Variants in TCF12 observed in about 807,000 individuals in gnomAD.
TCF12 encodes transcription factor 12.
A neutral mutation model predicts 86.0 loss-of-function variants in TCF12; 45 were observed. The ratio of observed to expected loss-of-function variants is 0.52; its 90% CI spans 0.41 to 0.67. The LOEUF (loss-of-function observed/expected upper bound fraction) is 0.67. TCF12 is among the 30% of genes least tolerant of loss of function. The pLI is 0.00. For missense variants in TCF12, 881 were observed against 859.9 expected, an observed-to-expected ratio of 1.02 and a Z score of -0.31; for synonymous variants, 330 against 299.6, an observed-to-expected ratio of 1.10 and a Z score of -1.05.
At chr15:57,062,343 C>G (rs1235927913) in intron 3 of TCF12, among the ~76,000 whole-genome samples, 2 of 152,056 alleles carry the variant, frequency 1.3e-5, no homozygotes, top group African/African-American at 2.4e-5. Context: ...CAGGAATGAA[C>G]AAAACACTGT....
intron 5 of TCF12, among the ~76,000 whole-genome samples, chr15:57,162,438 A>G (rs1309736955): frequency 6.6e-6 from 1 of 152,186 alleles, no homozygotes; most frequent in Admixed American, 6.5e-5. Flanking sequence ...TTTCAAGGAT[A>G]CTCAAACTTA....
chr15:57,235,367 A>G (rs1317381125), intron 12 of TCF12, among the ~76,000 whole-genome samples: 1 of 152,166 alleles, frequency 6.6e-6, no homozygotes, highest in African/African-American at 2.4e-5. Context: ...AAGTAACTTG[A>G]GCTCAGAAAG....
intron 7 of TCF12, 86 bp downstream of exon 7, chr15:57,192,379 T>C: frequency 1.3e-6 from 2 of 1,518,802 alleles, no homozygotes; most frequent in Non-Finnish European, 1.8e-6. Context: ...CTATGCTTTT[T>C]TTTTTTTTTC....
intron 19 of TCF12, chr15:57,282,144 C>T: frequency 2.5e-6 from 1 of 392,198 alleles, no homozygotes; most frequent in Non-Finnish European, 4.7e-6. Context: ...ACTTGGTAGC[C>T]TAATAACAAC....
At chr15:57,199,892 G>A (rs1312925302) in intron 8 of TCF12, among the ~76,000 whole-genome samples, 1 of 151,720 alleles carries the variant, frequency 6.6e-6, no homozygotes, top group African/African-American at 2.4e-5. Context: ...TTTTATTTTG[G>A]TTTTTTTGAG....
chr15:56,920,968 T>A, intron 2 of TCF12, 58 bp from the exon 3 acceptor site: 1 of 1,407,614 alleles, frequency 7.1e-7, no homozygotes, highest in Non-Finnish European at 9.6e-7. Context: ...TGGACTTTTG[T>A]TTGCAAGGAA....
chr15:56,986,869 A>T (rs1005862935), intron 3 of TCF12, among the ~76,000 whole-genome samples: 3 of 152,248 alleles, frequency 2.0e-5, no homozygotes, highest in Admixed American at 2.0e-4. Context: ...TGTAATACAT[A>T]GCAGGATGTA....
intron 3 of TCF12, among the ~76,000 whole-genome samples, chr15:56,991,629 A>T (rs1258080553): frequency 6.6e-6 from 1 of 152,180 alleles, no homozygotes; most frequent in Non-Finnish European, 1.5e-5. Flanking sequence ...TTGAATGAAG[A>T]TGGTCTAAAG....
chr15:57,048,314 T>A (rs2067371012), intron 3 of TCF12, among the ~76,000 whole-genome samples: 1 of 152,228 alleles, frequency 6.6e-6, no homozygotes, highest in South Asian at 2.1e-4. Flanking sequence ...CAGGCTGTAG[T>A]GCAGTGGCGC....
intron 5 of TCF12, among the ~76,000 whole-genome samples, chr15:57,136,425 C>A (rs2052524620): frequency 1.3e-5 from 2 of 152,062 alleles, no homozygotes; most frequent in Admixed American, 6.5e-5. Flanking sequence ...CCTGTCATAA[C>A]CATGGATTAA....
At chr15:56,997,906 T>C (rs1247944899) in intron 3 of TCF12, among the ~76,000 whole-genome samples, 1 of 152,174 alleles carries the variant, frequency 6.6e-6, no homozygotes, top group Admixed American at 6.5e-5. Flanking sequence ...AAGAAAACCC[T>C]AGTGGCTATA....
chr15:56,969,073 G>A (rs563746133), intron 3 of TCF12, among the ~76,000 whole-genome samples: 8 of 152,312 alleles, frequency 5.3e-5, no homozygotes, highest in African/African-American at 1.7e-4. Context: ...TCAGAGGGAT[G>A]ACTGTGTTCT....
At chr15:57,253,014 C>T (rs1432765359) in intron 15 of TCF12, among the ~76,000 whole-genome samples, 3 of 147,646 alleles carry the variant, frequency 2.0e-5, no homozygotes, top group Non-Finnish European at 4.4e-5. Flanking sequence ...GAAATAACCT[C>T]ATGGTAGTTT....
intron 8 of TCF12, chr15:57,214,354 T>G (rs2058246519): frequency 6.6e-6 from 1 of 152,240 alleles, no homozygotes; most frequent in African/African-American, 2.4e-5. Context: ...GGATACAATT[T>G]ATTCACCTCA....
intron 3 of TCF12, among the ~76,000 whole-genome samples, chr15:56,925,214 A>C (rs2059950425): frequency 6.6e-6 from 1 of 151,896 alleles, no homozygotes; most frequent in South Asian, 2.1e-4. Flanking sequence ...AAAACAAAAA[A>C]AAACCACAAA....
At chr15:57,239,712 G>A (rs572117318) in intron 12 of TCF12, among the ~76,000 whole-genome samples, 1 of 152,168 alleles carries the variant, frequency 6.6e-6, no homozygotes, top group South Asian at 2.1e-4. Context: ...GGATATCGGT[G>A]TCTCCAGAGG....
At chr15:57,063,094 G>A (rs1019322728) in intron 3 of TCF12, among the ~76,000 whole-genome samples, 13 of 152,206 alleles carry the variant, frequency 8.5e-5, no homozygotes, top group African/African-American at 2.4e-5. Context: ...CTTTCTCACT[G>A]TGAATTTTCT....
At chr15:57,081,887 A>G (rs2048339647) in intron 4 of TCF12, among the ~76,000 whole-genome samples, 1 of 152,100 alleles carries the variant, frequency 6.6e-6, no homozygotes, top group Admixed American at 6.6e-5. Flanking sequence ...TATGGTTAGT[A>G]CTGTTACACA....
At chr15:56,927,122 C>T (rs1280543834) in intron 3 of TCF12, among the ~76,000 whole-genome samples, 2 of 152,078 alleles carry the variant, frequency 1.3e-5, no homozygotes, top group East Asian at 1.9e-4. Flanking sequence ...GCAGTTCTGA[C>T]ATAATTGGAG....
Sources: allele counts gnomAD v4.1 joint callset (sites outside exome capture counted in the v4.1 genomes callset), GRCh38; gene constraint gnomAD v4.1.1; transcripts MANE v1.5; gene names NCBI Gene and HGNC (gene_info 2026-07-23, HGNC 2026-07-21).